DESI1: variants seen among roughly 807,000 people sequenced by gnomAD.
The protein encoded by DESI1 is PPPDE peptidase domain containing 2.
DESI1 carries 17 observed loss-of-function variants against 22.4 expected under a neutral mutation model. That is an observed-to-expected ratio of 0.76 (90% confidence interval 0.52 to 1.14). The LOEUF (loss-of-function observed/expected upper bound fraction) is 1.14. Among genes scored for constraint, DESI1 ranks in the 50% most tolerant of loss-of-function variants. The pLI is 0.00. For missense variants in DESI1, 177 were observed against 208.9 expected, an observed-to-expected ratio of 0.85 and a Z score of 0.94; for synonymous variants, 92 against 84.2, an observed-to-expected ratio of 1.09 and a Z score of -0.51.
rs1018399007 is a variant in DESI1 at position 41,620,962 on chromosome 22, G to C, written c.-123C>G. On this transcript the variant is annotated 5_prime_UTR_variant, in exon 1 of 6. Coordinates refer to ENST00000263256, the MANE Select transcript of DESI1 (RefSeq NM_015704.3). Reference sequence around the variant, plus strand: ...GGGGGACCGAGCCCGGGCCCGGGCTGAGGGGTGGGGGAGAGGCCGCCCTGC... The same window carrying C: ...GGGGGACCGAGCCCGGGCCCGGGCTCAGGGGTGGGGGAGAGGCCGCCCTGC... The C allele has an allele frequency of 9.2e-7, 1 of 1,082,388 alleles. No individual in the cohort carries two copies. Among genetic ancestry groups the C allele is most frequent in the African/African-American group, 1.6e-5 (1 of 62,194 alleles). The allele number at this position is 1,082,388 out of a possible 1,614,324, so 67.0% of individuals were successfully genotyped here.
chr22:41,605,016 A>C (rs899207123), intron 3 of DESI1, among the ~76,000 whole-genome samples: 6 of 152,202 alleles, frequency 3.9e-5, no homozygotes, highest in Non-Finnish European at 7.3e-5. Flanking sequence ...GAAACCCAGA[A>C]TCTGAAGTCT....
intron 3 of DESI1, among the ~76,000 whole-genome samples, chr22:41,605,989 G>A (rs2067477285): frequency 6.6e-6 from 1 of 152,172 alleles, no homozygotes. Flanking sequence ...TTCAAAGAAT[G>A]AGAAGAGAGT....
At chr22:41,601,272 G>A in intron 5 of DESI1, 82 bp from the exon 6 acceptor site, 1 of 1,325,358 alleles carries the variant, frequency 7.5e-7, no homozygotes, top group Non-Finnish European at 1.0e-6. Flanking sequence ...CACGGGTAGG[G>A]AGGAGGAGTG....
intron 1 of DESI1, among the ~76,000 whole-genome samples, chr22:41,612,560 G>T (rs1020763500): frequency 2.6e-4 from 39 of 150,496 alleles, no homozygotes; most frequent in African/African-American, 8.8e-4. Flanking sequence ...GGGATGATCA[G>T]GGTGGGCCTC....
intron 1 of DESI1, among the ~76,000 whole-genome samples, chr22:41,614,126 T>G (rs916497291): frequency 2.6e-5 from 4 of 151,692 alleles, no homozygotes; most frequent in Non-Finnish European, 5.9e-5. Flanking sequence ...AACCCCCGCC[T>G]CCCGGGTTCA....
chr22:41,599,401 T>C lies in DESI1; in HGVS notation c.*1696A>G, dbSNP rs980998824. 3.3e-5 allele frequency: 5 copies of C among 152,174 alleles called. No individual in the cohort carries two copies. Among genetic ancestry groups the C allele is most frequent in the African/African-American group, 1.2e-4 (5 of 41,450 alleles). 9.4% of individuals were successfully genotyped at this position (152,174 alleles called of 1,614,324 possible). ...AGACTGTTCCCTGCCTATAACCTCC[T>C]AGCAGCAAGTCATTAGGAAAATGCC... On this transcript the variant is annotated 3_prime_UTR_variant, in exon 6 of 6. Coordinates refer to ENST00000263256, the MANE Select transcript of DESI1 (RefSeq NM_015704.3).
Position 41,600,853 on chromosome 22 carries a change from G to A in DESI1, c.*244C>T. On this transcript the variant is annotated 3_prime_UTR_variant, in exon 6 of 6. Coordinates refer to ENST00000263256, the MANE Select transcript of DESI1 (RefSeq NM_015704.3). The stretch of plus-strand genomic sequence containing the variant: ...GGACGCTTAGGAAACAGCATCCGAA[G>A]TGAACGCACAGACAAGACAGCCTTA... The A allele has an allele frequency of 2.2e-6, 1 of 449,560 alleles. No homozygotes were observed. Among genetic ancestry groups the A allele is most frequent in the Non-Finnish European group, 4.0e-6 (1 of 247,406 alleles). 27.8% of individuals were successfully genotyped at this position (449,560 alleles called of 1,614,324 possible).
rs755870014 is a variant in DESI1, at chr22:41,600,771, C to G, written c.*326G>C. On this transcript the variant is annotated 3_prime_UTR_variant, in exon 6 of 6. Transcript: ENST00000263256. ...GGAAAGAGTTCTAGGTTGGGGCTCC[C>G]GCAAACTGTGACTCGCTTTCTGTTT... 3 of 265,354 alleles carry G rather than the reference C, an allele frequency of 1.1e-5. No individual in the cohort carries two copies. The highest frequency in any genetic ancestry group is 6.9e-5 in the African/African-American group (3 of 43,392). The allele number at this position is 265,354 out of a possible 1,614,324, so 16.4% of individuals were successfully genotyped here.
chr22:41,620,088 A>C (rs1388280065), intron 1 of DESI1, among the ~76,000 whole-genome samples: 1 of 152,052 alleles, frequency 6.6e-6, no homozygotes, highest in Non-Finnish European at 1.5e-5. Context: ...TTCCCCCAAA[A>C]CTGCTTTCTT....
chr22:41,612,863 C>T (rs932480039), intron 1 of DESI1, among the ~76,000 whole-genome samples: 8 of 151,866 alleles, frequency 5.3e-5, no homozygotes, highest in African/African-American at 1.7e-4. Flanking sequence ...CCACCAGGCC[C>T]AGCTTTGAGC....
intron 3 of DESI1, among the ~76,000 whole-genome samples, chr22:41,605,741 GGA>G (rs2067475469): frequency 6.6e-6 from 1 of 152,126 alleles, no homozygotes; most frequent in African/African-American, 2.4e-5. Flanking sequence ...AGCAGGGAAG[GGA>G]AACTGAAAAA....
intron 1 of DESI1, among the ~76,000 whole-genome samples, chr22:41,618,302 G>A (rs1601517266): frequency 6.6e-6 from 1 of 151,098 alleles, no homozygotes; most frequent in East Asian, 1.9e-4. Context: ...GGCAGAGGTT[G>A]CAGTGAGCTG....
intron 1 of DESI1, among the ~76,000 whole-genome samples, chr22:41,613,653 A>G (rs1262447663): frequency 2.0e-5 from 3 of 152,148 alleles, no homozygotes; most frequent in African/African-American, 4.8e-5. Flanking sequence ...CCTAACCCCA[A>G]TCTGGGCTGC....
intron 2 of DESI1, 143 bp downstream of exon 2, chr22:41,607,697 A>C: frequency 2.0e-6 from 2 of 983,884 alleles, no homozygotes; most frequent in Admixed American, 4.4e-5. Flanking sequence ...AAAAGAACTG[A>C]TGAGAAGCAC....
intron 2 of DESI1, among the ~76,000 whole-genome samples, 198 bp downstream of exon 2, chr22:41,607,642 C>G (rs1037488986): frequency 2.0e-5 from 3 of 152,168 alleles, no homozygotes; most frequent in African/African-American, 7.2e-5. Context: ...GTATGACAAC[C>G]AAAAATATCT....
At chr22:41,618,192 G>A (rs369952253) in intron 1 of DESI1, among the ~76,000 whole-genome samples, 2 of 152,156 alleles carry the variant, frequency 1.3e-5, no homozygotes, top group East Asian at 3.9e-4. Context: ...GTGAAACCCT[G>A]TCTCTACTAA....
In DESI1 at chr22:41,603,081, G is replaced by C. The variant is rs2067458498; in HGVS notation, c.413+178C>G. On this transcript the variant is annotated intron_variant, in intron 5 of 5. Coordinates refer to ENST00000263256, the MANE Select transcript of DESI1 (RefSeq NM_015704.3). ...GAGCTGGTCTAGCTCTGAAGGTGGA[G>C]GTAATACAGGTGCGCATCAGTGGGT... 5 of 922,016 alleles carry C rather than the reference G, an allele frequency of 5.4e-6. No individual in the cohort carries two copies. In the African/African-American group the frequency reaches 8.3e-5, roughly 15 times the overall value. The allele number at this position is 922,016 out of a possible 1,614,324, so 57.1% of individuals were successfully genotyped here. A position where few individuals can be genotyped will look rare whatever the true frequency, so the allele number is the denominator to read the frequency against.
chr22:41,599,812 G>C lies in DESI1; in HGVS notation c.*1285C>G, dbSNP rs941078415. 1 of 151,030 alleles carries C rather than the reference G, an allele frequency of 6.6e-6. No homozygotes were observed. The highest frequency in any genetic ancestry group is 1.5e-5 in the Non-Finnish European group (1 of 67,720). 9.4% of individuals were successfully genotyped at this position (151,030 alleles called of 1,614,324 possible). ...GACCTCAAGTGATCTGCCTGCCTCG[G>C]CCTCCCAAAGTGCTGGGATTACAGG... is the stretch of plus-strand genomic sequence containing the variant. On this transcript the variant is annotated 3_prime_UTR_variant, in exon 6 of 6. Transcript: ENST00000263256.
In DESI1 at chr22:41,620,753, C is replaced by G. The variant is rs1329726390; in HGVS notation, c.87G>C (p.Leu29=). The G allele has an allele frequency of 3.7e-6, 6 of 1,609,100 alleles. No homozygotes were observed. The Admixed American group carries it at 5.1e-5, about 14-fold the overall frequency. ...GLARRLSPIM[L]GKQLEGIWHT... is the part of the protein sequence containing the mutation. ...CCCACCTGGCCCCTTCCCCCTCACCCAGCATGATGGGGCTGAGCCGCCGGG... is the reference window on the plus strand; with the variant it reads ...CCCACCTGGCCCCTTCCCCCTCACCGAGCATGATGGGGCTGAGCCGCCGGG... The change falls in exon 1 of 6, where the codon CTG becomes CTC. Residue 29 remains leucine, a splice_region_variant and synonymous_variant. Transcript: ENST00000263256.
Sources: gnomAD v4.1 joint callset for allele counts (sites outside exome capture counted in the v4.1 genomes callset) on GRCh38, gnomAD v4.1.1 for gene constraint, MANE v1.5 for transcripts, NCBI Gene and HGNC (gene_info 2026-07-23, HGNC 2026-07-21) for gene names.